Variants in WDFY4 observed in about 807,000 individuals in gnomAD.
WDFY4 encodes WDFY family member 4.
A neutral mutation model predicts 351.9 loss-of-function variants in WDFY4; 169 were observed. The observed-to-expected ratio is 0.48, with a 90% CI of 0.42 to 0.55. The LOEUF (loss-of-function observed/expected upper bound fraction) is 0.55, where lower values mean the gene tolerates loss of function less well. Ranked by LOEUF, WDFY4 falls within the 20% of genes least tolerant of loss-of-function variation. The pLI is 0.00. For synonymous variants in WDFY4, 1,622 were observed against 1,574.6 expected, an observed-to-expected ratio of 1.03 and a Z score of -0.71; for missense variants, 3,803 against 3,935.6, an observed-to-expected ratio of 0.97 and a Z score of 0.90.
intron 13 of WDFY4, among the ~76,000 whole-genome samples, chr10:48,766,410 A>G (rs1039302515): frequency 6.6e-6 from 1 of 152,170 alleles, no homozygotes; most frequent in Non-Finnish European, 1.5e-5. Context: ...AGACAACAGC[A>G]AACTCCATCT....
At chr10:48,971,742 C>T (rs140871279) in intron 57 of WDFY4, among the ~76,000 whole-genome samples, 206 of 152,262 alleles carry the variant, frequency 1.4e-3, no homozygotes, top group African/African-American at 4.4e-3. Context: ...TAGGGCAGTG[C>T]GAGAAGGGGC....
intron 52 of WDFY4, among the ~76,000 whole-genome samples, chr10:48,958,902 G>A (rs567937837): frequency 6.6e-6 from 1 of 152,324 alleles, no homozygotes; most frequent in African/African-American, 2.4e-5. Flanking sequence ...CAGTAGCCAA[G>A]AGAGAGCAGG....
intron 3 of WDFY4, among the ~76,000 whole-genome samples, chr10:48,720,825 A>G (rs2064060536): frequency 6.6e-6 from 1 of 152,190 alleles, no homozygotes; most frequent in Non-Finnish European, 1.5e-5. Context: ...TGGTCCCTGG[A>G]GGCAGGGCAG....
intron 1 of WDFY4, among the ~76,000 whole-genome samples, chr10:48,701,300 T>A (rs2132146251): frequency 6.6e-6 from 1 of 152,364 alleles, no homozygotes; most frequent in East Asian, 1.9e-4. Flanking sequence ...TTTCATTGAT[T>A]ACACATTCAT....
intron 47 of WDFY4, among the ~76,000 whole-genome samples, chr10:48,925,229 G>A (rs1034194703): frequency 6.6e-6 from 1 of 152,150 alleles, no homozygotes; most frequent in Non-Finnish European, 1.5e-5. Context: ...GTGACCTCCC[G>A]AGTGGCTTCA....
chr10:48,912,969 C>G (rs545390540), intron 47 of WDFY4, among the ~76,000 whole-genome samples: 1 of 152,344 alleles, frequency 6.6e-6, no homozygotes, highest in South Asian at 2.1e-4. Flanking sequence ...AGATTCCTTG[C>G]CTTTGAAGCC....
chr10:48,790,453 ACT>A (rs1174717641), intron 22 of WDFY4, among the ~76,000 whole-genome samples: 2 of 152,114 alleles, frequency 1.3e-5, no homozygotes, highest in Non-Finnish European at 2.9e-5. Context: ...CTCATCCAAC[ACT>A]CTGGAGTGAA....
intron 19 of WDFY4, among the ~76,000 whole-genome samples, 185 bp downstream of exon 19, chr10:48,780,304 G>A (rs558395245): frequency 3.5e-4 from 53 of 152,332 alleles, no homozygotes; most frequent in African/African-American, 1.3e-3. Flanking sequence ...GACATGAAAA[G>A]GACATCTTTA....
At chr10:48,778,564 C>T (rs188352117) in intron 17 of WDFY4, 47 bp from the exon 18 acceptor site, 12 of 1,529,694 alleles carry the variant, frequency 7.8e-6, no homozygotes, top group Non-Finnish European at 1.1e-5. Context: ...CATGCATGCT[C>T]AGCAGGGCAG....
At chr10:48,910,405 G>C in intron 47 of WDFY4, 1 of 726,414 alleles carries the variant, frequency 1.4e-6, no homozygotes, top group Non-Finnish European at 2.5e-6. Context: ...TGTTGTATTT[G>C]AGGAAAGAGA....
In WDFY4 at chr10:48,723,456, G is replaced by T. The variant is rs1274113792; in HGVS notation, c.480G>T (p.Glu160Asp). The T allele has an allele frequency of 5.2e-6, 8 of 1,550,238 alleles. No homozygotes were observed. The highest frequency in any genetic ancestry group is 7.0e-6 in the Non-Finnish European group (8 of 1,146,992). The change falls in exon 5 of 62, where the codon GAG becomes GAT. Residue 160 changes from glutamate (E) to aspartate (D), a missense_variant. Coordinates refer to ENST00000325239, the MANE Select transcript of WDFY4 (RefSeq NM_001394531.1). ...TDSETLGRVA[E>D]SGLPALLLQC... is the part of the protein sequence containing the mutation. ...AGGAGACGCTGGGCAGGGTTGCTGA[G>T]TCTGGGCTTCCAGCCCTGCTCCTAC...
intron 39 of WDFY4, among the ~76,000 whole-genome samples, chr10:48,866,909 G>T (rs983806090): frequency 1.3e-5 from 2 of 152,060 alleles, no homozygotes; most frequent in Non-Finnish European, 2.9e-5. Context: ...TATCACTCAC[G>T]CTTGTAATCC....
chr10:48,729,649 C>A (rs2064387813), intron 8 of WDFY4, 60 bp downstream of exon 8: 2 of 1,528,186 alleles, frequency 1.3e-6, no homozygotes, highest in South Asian at 1.2e-5. Context: ...GAGAAGGCTA[C>A]AGAGGGTCTT....
chr10:48,915,958 G>T (rs925182855), intron 47 of WDFY4, among the ~76,000 whole-genome samples: 1 of 152,192 alleles, frequency 6.6e-6, no homozygotes, highest in African/African-American at 2.4e-5. Flanking sequence ...TCAGCTCTGA[G>T]AAACCAGATA....
intron 32 of WDFY4, 132 bp downstream of exon 32, chr10:48,817,541 A>G: frequency 8.6e-7 from 1 of 1,169,376 alleles, no homozygotes; most frequent in Non-Finnish European, 1.2e-6. Flanking sequence ...CGGAACATTG[A>G]ATAAGCAGCT....
intron 36 of WDFY4, among the ~76,000 whole-genome samples, chr10:48,828,372 G>C (rs1477548953): frequency 6.6e-6 from 1 of 152,192 alleles, no homozygotes; most frequent in African/African-American, 2.4e-5. Context: ...CTGTGTAATT[G>C]CACAGGTTGC....
intron 44 of WDFY4, among the ~76,000 whole-genome samples, chr10:48,896,889 G>A (rs190571683): frequency 2.6e-5 from 4 of 152,196 alleles, no homozygotes; most frequent in East Asian, 1.9e-4. Flanking sequence ...AATACAAAAC[G>A]AGAACACCTG....
At chr10:48,978,217 G>A (rs1590038102) in intron 59 of WDFY4, 92 bp from the exon 60 acceptor site, 2 of 1,301,064 alleles carry the variant, frequency 1.5e-6, no homozygotes, top group East Asian at 2.6e-5. Flanking sequence ...TTTCCCTGGG[G>A]GACCCCTAGG....
chr10:48,892,857 C>A (rs1313131740), intron 44 of WDFY4, among the ~76,000 whole-genome samples: 1 of 152,188 alleles, frequency 6.6e-6, no homozygotes, highest in Non-Finnish European at 1.5e-5. Flanking sequence ...TTGGAAATTT[C>A]CTCAGAAACT....
Sources: gnomAD v4.1 joint callset for allele counts (sites outside exome capture counted in the v4.1 genomes callset) on GRCh38, gnomAD v4.1.1 for gene constraint, MANE v1.5 for transcripts, NCBI Gene and HGNC (gene_info 2026-07-23, HGNC 2026-07-21) for gene names.